The following COL18A1 variants were observed in gnomAD, a reference collection of about 807,000 sequenced individuals.
COL18A1 encodes collagen type XVIII alpha 1 chain, also known as collagen alpha-1(XVIII) chain.
In COL18A1, 133 loss-of-function variants were observed where a neutral mutation model predicts 168.0. That is an observed-to-expected ratio of 0.79 (90% confidence interval 0.69 to 0.91). The LOEUF is 0.91. Ranked by LOEUF, COL18A1 falls within the 40% of genes least tolerant of loss-of-function variation. The probability of loss-of-function intolerance (pLI) is 0.00; values close to 1 mark genes in which losing one functional copy is unlikely to be tolerated. For missense variants in COL18A1, 2,126 were observed against 1,925.4 expected (o/e 1.10, Z -1.95); for synonymous variants, 949 against 809.0 (o/e 1.17, Z -2.94).
intron 2 of COL18A1, among the ~76,000 whole-genome samples, chr21:45,437,204 TCTCCTGCACACACACA>T (rs2034141901): frequency 4.2e-5 from 4 of 96,008 alleles, no homozygotes; most frequent in African/African-American, 1.1e-4. Context: ...ACACAGGCAC[TCTCCTGCACACACACA>T]CACAGACACA....
In COL18A1 at chr21:45,431,759, G is replaced by A. The variant is rs113734216; in HGVS notation, c.106+26286G>A. ...GGTGTCTGCCATTTGAGACAATTTG[G>A]GCACAGGCAGGGCAGGCCGTCGCGG... On this transcript the variant is annotated intron_variant, in intron 2 of 41. Coordinates refer to ENST00000651438, the MANE Select transcript of COL18A1 (RefSeq NM_001379500.1). 1.8e-3 allele frequency among the ~76,000 whole-genome samples: 275 copies of A among 152,198 alleles called. 2 individuals carry two copies. Among genetic ancestry groups the A allele is most frequent in the African/African-American group, 6.3e-3 (263 of 41,498 alleles).
intron 2 of COL18A1, among the ~76,000 whole-genome samples, chr21:45,461,056 T>C (rs896671412): frequency 2.0e-5 from 3 of 152,212 alleles, no homozygotes; most frequent in African/African-American, 7.2e-5. Context: ...GTTACCGTTG[T>C]GAGTGTGGTG....
chr21:45,454,991 G>C (rs1040181949), intron 2 of COL18A1, among the ~76,000 whole-genome samples: 3 of 152,234 alleles, frequency 2.0e-5, no homozygotes, highest in African/African-American at 7.2e-5. Flanking sequence ...GACCCTCCCC[G>C]GGATGTTTAA....
intron 2 of COL18A1, among the ~76,000 whole-genome samples, chr21:45,452,412 GTATA>G (rs1023081639): frequency 2.0e-5 from 3 of 152,154 alleles, no homozygotes; most frequent in Non-Finnish European, 2.9e-5. Context: ...TGACGTGTGT[GTATA>G]TATGTGAGCT....
At chr21:45,415,930 G>A (rs1306329994) in intron 2 of COL18A1, among the ~76,000 whole-genome samples, 2 of 152,176 alleles carry the variant, frequency 1.3e-5, no homozygotes, top group Admixed American at 6.5e-5. Context: ...GAGAGTGTGG[G>A]CCCCCGCTTA....
chr21:45,510,191 C>G lies in COL18A1; in HGVS notation c.3623C>G (p.Ser1208Trp). The stretch of plus-strand genomic sequence containing the variant: ...GGCACCTTCCGCGCCTTCCTGTCCT[C>G]GCGCCTGCAGGACCTGTACAGCATC... Reference protein sequence around the residue: ...LAGTFRAFLSSRLQDLYSIVR... With the variant: ...LAGTFRAFLSWRLQDLYSIVR... The change falls in exon 40 of 42, where the codon TCG becomes TGG. Residue 1208 changes from serine to tryptophan, a missense_variant. By Grantham distance (177) the Ser-to-Trp change is radical (BLOSUM62 -3). Coordinates refer to ENST00000651438, the MANE Select transcript of COL18A1 (RefSeq NM_001379500.1). 1 of 1,598,966 alleles carries G rather than the reference C, an allele frequency of 6.3e-7. No homozygotes were observed. The highest frequency in any genetic ancestry group is 8.5e-7 in the Non-Finnish European group (1 of 1,173,736).
chr21:45,481,683 C>A (rs987813099), intron 13 of COL18A1, among the ~76,000 whole-genome samples: 1 of 152,254 alleles, frequency 6.6e-6, no homozygotes, highest in African/African-American at 2.4e-5. Flanking sequence ...GCCAGACTGC[C>A]TCTCAGAGGG....
chr21:45,464,798 G>A (rs753457029), intron 2 of COL18A1, among the ~76,000 whole-genome samples: 5 of 152,154 alleles, frequency 3.3e-5, no homozygotes, highest in African/African-American at 7.2e-5. Context: ...TTAAGGCTTT[G>A]TGTGGTTAGA....
At position 45,457,190 on chromosome 21, in the gene COL18A1, G is replaced by A. The variant is rs966536223; in HGVS notation, c.107-11052G>A. On this transcript the variant is annotated intron_variant, in intron 2 of 41. Transcript: ENST00000651438. This position sits in a 1 kb window ranked among gnomAD's most constrained non-coding sequence, Gnocchi z 4.6. ...GTCCCGAGATACCCTGCCATGCCCC[G>A]AGTCACAGAGGGGAAACTGAGGCGT... is the stretch of plus-strand genomic sequence containing the variant. 2.0e-5 allele frequency among the ~76,000 whole-genome samples: 3 copies of A among 152,184 alleles called. No individual in the cohort carries two copies. Among genetic ancestry groups the A allele is most frequent in the Admixed American group, 1.3e-4 (2 of 15,284 alleles).
At chr21:45,426,150 G>A (rs1240491160) in intron 2 of COL18A1, among the ~76,000 whole-genome samples, 1 of 152,142 alleles carries the variant, frequency 6.6e-6, no homozygotes, top group African/African-American at 2.4e-5. Context: ...TGTCGCCCAG[G>A]GTGGACTGCA....
chr21:45,489,579 C>T lies in COL18A1; in HGVS notation c.1959+58C>T, dbSNP rs899943911. On this transcript the variant is annotated intron_variant, in intron 19 of 41. Coordinates refer to ENST00000651438, the MANE Select transcript of COL18A1 (RefSeq NM_001379500.1). ...CAGGCAGAGGCAGGGAGGGCCCAGC[C>T]GGACACCTGCGGAGATCAGCTCGGG... The T allele has an allele frequency of 3.4e-4, 397 of 1,176,306 alleles. 2 individuals carry two copies. Among genetic ancestry groups the T allele is most frequent in the South Asian group, 1.4e-3 (101 of 69,920 alleles). 72.9% of individuals were successfully genotyped at this position (1,176,306 alleles called of 1,614,324 possible).
intron 2 of COL18A1, among the ~76,000 whole-genome samples, chr21:45,427,947 C>T (rs1186265974): frequency 6.6e-6 from 1 of 152,220 alleles, no homozygotes; most frequent in Non-Finnish European, 1.5e-5. Flanking sequence ...CCTGCTTGTT[C>T]TGTCCTGGGA....
At chr21:45,433,683 A>AT (rs2034025898) in intron 2 of COL18A1, among the ~76,000 whole-genome samples, 1 of 152,222 alleles carries the variant, frequency 6.6e-6, no homozygotes, top group Non-Finnish European at 1.5e-5. Context: ...AGCAGCTCAC[A>AT]TTCCTGAGCT....
intron 4 of COL18A1, among the ~76,000 whole-genome samples, chr21:45,474,819 T>C (rs2035585056): frequency 2.3e-3 from 1 of 438 alleles, no homozygotes; most frequent in Non-Finnish European, 3.5e-3. Context: ...CTGTGGGCAG[T>C]GTGTGAACAT....
intron 41 of COL18A1, 100 bp from the exon 42 acceptor site, chr21:45,512,088 C>T: frequency 7.5e-6 from 10 of 1,335,022 alleles, no homozygotes; most frequent in Non-Finnish European, 1.1e-5. Flanking sequence ...CTGGTAACCC[C>T]AGGGCTGGCC....
intron 2 of COL18A1, among the ~76,000 whole-genome samples, chr21:45,447,376 A>T (rs925780863): frequency 4.6e-5 from 7 of 152,176 alleles, no homozygotes; most frequent in Non-Finnish European, 8.8e-5. Context: ...GTATAAAATC[A>T]GTATAGAAAA....
At chr21:45,412,964 G>A (rs1298087270) in intron 2 of COL18A1, among the ~76,000 whole-genome samples, 1 of 152,254 alleles carries the variant, frequency 6.6e-6, no homozygotes, top group Admixed American at 6.5e-5. Context: ...GCCACGGGCA[G>A]GCTGCTCACC....
chr21:45,481,172 G>T (rs1162161919), intron 13 of COL18A1, among the ~76,000 whole-genome samples: 1 of 152,184 alleles, frequency 6.6e-6, no homozygotes, highest in Non-Finnish European at 1.5e-5. Context: ...CCCATGGGTG[G>T]GTGTGGGAGG....
At chr21:45,455,594 C>G in intron 2 of COL18A1, 2 of 1,613,950 alleles carry the variant, frequency 1.2e-6, no homozygotes, top group Non-Finnish European at 1.7e-6. Context: ...GGCGGCTGCC[C>G]GGGCCAACCT....
Sources: allele counts gnomAD v4.1 joint callset (sites outside exome capture counted in the v4.1 genomes callset), GRCh38; gene constraint gnomAD v4.1.1; non-coding constraint Gnocchi (gnomAD v3.1); transcripts MANE v1.5; gene names NCBI Gene and HGNC (gene_info 2026-07-23, HGNC 2026-07-21).